Variants in BTBD9 observed in about 807,000 individuals in gnomAD.
The protein encoded by BTBD9 is BTB domain containing 9.
BTBD9 carries 49 observed loss-of-function variants against 64.3 expected under a neutral mutation model. That is an observed-to-expected ratio of 0.76 (90% CI 0.61 to 0.97). BTBD9 has a LOEUF of 0.97. Among genes scored for constraint, BTBD9 ranks in the 50% least tolerant of loss-of-function variants. BTBD9 has a pLI of 0.00. For missense variants in BTBD9, 598 were observed against 762.1 expected (o/e 0.78, Z 2.53); for synonymous variants, 260 against 274.7 (o/e 0.95, Z 0.53).
intron 6 of BTBD9, among the ~76,000 whole-genome samples, chr6:38,461,926 G>A (rs182257277): frequency 6.6e-6 from 1 of 152,222 alleles, no homozygotes; most frequent in Admixed American, 6.5e-5. Flanking sequence ...ACATCTAATG[G>A]CATTGAATAT....
At chr6:38,355,356 C>T (rs1764680190) in intron 6 of BTBD9, among the ~76,000 whole-genome samples, 1 of 152,106 alleles carries the variant, frequency 6.6e-6, no homozygotes, top group Admixed American at 6.5e-5. Flanking sequence ...TGAAGCCTGT[C>T]TCCAATCCAT....
intron 6 of BTBD9, among the ~76,000 whole-genome samples, chr6:38,435,665 C>G (rs1458001587): frequency 7.4e-6 from 1 of 135,212 alleles, no homozygotes; most frequent in Non-Finnish European, 1.6e-5. Flanking sequence ...TCCTTTCTCT[C>G]TCTCTCTCTT....
chr6:38,286,144 C>A (rs1339786856), intron 8 of BTBD9, among the ~76,000 whole-genome samples: 1 of 152,156 alleles, frequency 6.6e-6, no homozygotes, highest in Non-Finnish European at 1.5e-5. Context: ...CGAGGCTTCT[C>A]TATCTGTGAT....
intron 10 of BTBD9, among the ~76,000 whole-genome samples, chr6:38,188,953 C>T (rs1761937255): frequency 6.6e-6 from 1 of 152,168 alleles, no homozygotes; most frequent in African/African-American, 2.4e-5. Flanking sequence ...CTCAGACTCC[C>T]AGCCTCTGGG....
chr6:38,276,314 C>T (rs1283680789), intron 8 of BTBD9, among the ~76,000 whole-genome samples: 4 of 140,248 alleles, frequency 2.9e-5, no homozygotes, highest in Non-Finnish European at 6.0e-5. Context: ...CACATGGACA[C>T]AGGAAGGGGA....
chr6:38,506,147 G>A (rs1267721423), intron 6 of BTBD9, among the ~76,000 whole-genome samples: 1 of 151,916 alleles, frequency 6.6e-6, no homozygotes, highest in Non-Finnish European at 1.5e-5. Context: ...TCAGACAATA[G>A]CCAAATCATC....
At chr6:38,581,047 C>T (rs1776262381) in intron 4 of BTBD9, among the ~76,000 whole-genome samples, 1 of 152,130 alleles carries the variant, frequency 6.6e-6, no homozygotes, top group Non-Finnish European at 1.5e-5. Flanking sequence ...ACAAAATTAG[C>T]CAGGCGTGGT....
intron 2 of BTBD9, among the ~76,000 whole-genome samples, chr6:38,596,347 C>A (rs900647652): frequency 1.6e-4 from 25 of 152,068 alleles, no homozygotes; most frequent in African/African-American, 4.8e-4. Flanking sequence ...TCACTCAATA[C>A]GATCTTCAAA....
At chr6:38,546,501 G>C (rs1363572793) in intron 6 of BTBD9, among the ~76,000 whole-genome samples, 1 of 152,026 alleles carries the variant, frequency 6.6e-6, no homozygotes, top group Non-Finnish European at 1.5e-5. Flanking sequence ...CAGATACTGT[G>C]TTTTTCAAAA....
intron 7 of BTBD9, among the ~76,000 whole-genome samples, chr6:38,331,720 T>G (rs1175671202): frequency 6.6e-6 from 1 of 151,336 alleles, no homozygotes; most frequent in Non-Finnish European, 1.5e-5. Context: ...AATAGCTGGG[T>G]GGGTGGTGCA....
At chr6:38,272,843 A>AT (rs35212300) in intron 8 of BTBD9, among the ~76,000 whole-genome samples, 106,100 of 151,202 alleles carry the variant, frequency 0.7, 37,852 homozygotes, top group African/African-American at 0.83. Context: ...GGAGATGAAT[A>AT]CAGAAAGGTC....
At chr6:38,318,848 T>C (rs979856825) in intron 7 of BTBD9, among the ~76,000 whole-genome samples, 29 of 152,200 alleles carry the variant, frequency 1.9e-4, no homozygotes, top group African/African-American at 7.0e-4. Context: ...TGTCCTTACC[T>C]TCAGGGCAGT....
intron 9 of BTBD9, among the ~76,000 whole-genome samples, chr6:38,207,900 T>C (rs1233033223): frequency 6.6e-6 from 1 of 152,102 alleles, no homozygotes; most frequent in Non-Finnish European, 1.5e-5. Context: ...TAGGGAAGGA[T>C]GAAGCAGAGG....
At chr6:38,457,061 G>A (rs544331535) in intron 6 of BTBD9, among the ~76,000 whole-genome samples, 12 of 152,256 alleles carry the variant, frequency 7.9e-5, no homozygotes, top group East Asian at 5.8e-4. Flanking sequence ...AAGCAAAAGC[G>A]CTAGGGTGGG....
chr6:38,418,934 C>A (rs954831243), intron 6 of BTBD9, among the ~76,000 whole-genome samples: 7 of 152,062 alleles, frequency 4.6e-5, no homozygotes, highest in South Asian at 2.1e-4. Flanking sequence ...ACAAGTGAGA[C>A]CCTGTCTCTA....
chr6:38,192,663 T>C, intron 9 of BTBD9, 66 bp from the exon 10 acceptor site: 1 of 1,420,416 alleles, frequency 7.0e-7, no homozygotes, highest in Non-Finnish European at 9.9e-7. Context: ...GTGTGGCCGA[T>C]GGAGTCATGT....
chr6:38,210,546 G>GTGCT (rs1762798665), intron 9 of BTBD9, among the ~76,000 whole-genome samples: 1 of 134,156 alleles, frequency 7.5e-6, no homozygotes, highest in African/African-American at 3.2e-5. Context: ...TTGTGTGTGT[G>GTGCT]TGTGTGTGTG....
rs1029731748 is a variant in BTBD9 at position 38,471,707 on chromosome 6, G to T, written c.1154+105893C>A. Among the ~76,000 whole-genome samples, 4 of 152,128 alleles carry T rather than the reference G, an allele frequency of 2.6e-5. No homozygotes were observed. The South Asian group carries it at 8.3e-4, about 32-fold the overall frequency. ...CCTGTGACTGAAGTTTGCTCAAAATGATCCACAGAAACTCTTCCAAAGCCC... is the reference window on the plus strand; with the variant it reads ...CCTGTGACTGAAGTTTGCTCAAAATTATCCACAGAAACTCTTCCAAAGCCC... On this transcript the variant is annotated intron_variant, in intron 6 of 10. Transcript: ENST00000481247.
At chr6:38,602,491 T>C (rs1313188357) in intron 1 of BTBD9, among the ~76,000 whole-genome samples, 2 of 151,980 alleles carry the variant, frequency 1.3e-5, no homozygotes, top group African/African-American at 2.4e-5. Flanking sequence ...AAATATCTTG[T>C]TTAAAAAAAT....
Sources: gnomAD v4.1 joint callset for allele counts (sites outside exome capture counted in the v4.1 genomes callset) on GRCh38, gnomAD v4.1.1 for gene constraint, MANE v1.5 for transcripts, NCBI Gene and HGNC (gene_info 2026-07-23, HGNC 2026-07-21) for gene names.